Variants in FSAF1 observed in about 807,000 individuals in gnomAD.
FSAF1 encodes uncharacterized protein C1orf131.
At chr1:231,225,492 T>C in the FSAF1 span, 2 of 1,613,904 alleles carry the variant, frequency 1.2e-6, no homozygotes, top group Non-Finnish European at 1.7e-6. Context: ...TCCTTTCCTC[T>C]TCTTTTTCTT....
chr1:231,224,150 T>C, the FSAF1 span: 10 of 1,139,258 alleles, frequency 8.8e-6, no homozygotes, highest in African/African-American at 1.4e-4. Flanking sequence ...TCTGTTTGAC[T>C]TTTTTTCTAA....
chr1:231,239,204 C>T, the FSAF1 span: 1 of 1,523,348 alleles, frequency 6.6e-7, no homozygotes, highest in Non-Finnish European at 8.8e-7. Context: ...TGTTCAAACA[C>T]AAGAAGGAAA....
chr1:231,228,751 C>T, the FSAF1 span, among the ~76,000 whole-genome samples: 2 of 152,146 alleles, frequency 1.3e-5, no homozygotes, highest in Non-Finnish European at 2.9e-5. Flanking sequence ...CTCTGGGAGG[C>T]CGAGATGGGT....
chr1:231,240,990 T>C, the FSAF1 span: 1 of 1,581,056 alleles, frequency 6.3e-7, no homozygotes, highest in Admixed American at 1.7e-5. This position sits in a 1 kb window ranked among gnomAD's most constrained non-coding sequence, Gnocchi z 4.1. Context: ...CTCAAATCTG[T>C]TCTCCACGTG....
At chr1:231,239,426 T>G in the FSAF1 span, among the ~76,000 whole-genome samples, 1 of 152,224 alleles carries the variant, frequency 6.6e-6, no homozygotes, top group East Asian at 1.9e-4. Flanking sequence ...ACAATCACTT[T>G]AGTCTCCACT....
the FSAF1 span, chr1:231,224,416 T>C: frequency 6.2e-7 from 1 of 1,603,004 alleles, no homozygotes; most frequent in Non-Finnish European, 8.5e-7. Context: ...TTGGATTTCC[T>C]ACATTTAAAG....
the FSAF1 span, chr1:231,225,655 A>G: frequency 9.8e-6 from 8 of 815,620 alleles, no homozygotes; most frequent in East Asian, 1.0e-4. Context: ...CATATTAAAC[A>G]TAACAGTCTC....
the FSAF1 span, chr1:231,225,345 T>C: frequency 8.2e-6 from 7 of 853,408 alleles, no homozygotes; most frequent in South Asian, 1.6e-5. Flanking sequence ...TTGACAAGGA[T>C]AAATGAGAGA....
At chr1:231,235,432 G>A in the FSAF1 span, among the ~76,000 whole-genome samples, 2 of 152,000 alleles carry the variant, frequency 1.3e-5, no homozygotes, top group African/African-American at 2.4e-5. Flanking sequence ...GGGAGGCGGA[G>A]GTTGTAGTGA....
At chr1:231,239,560 G>A in the FSAF1 span, among the ~76,000 whole-genome samples, 1 of 152,218 alleles carries the variant, frequency 6.6e-6, no homozygotes, top group Non-Finnish European at 1.5e-5. Flanking sequence ...TGGGTTACAG[G>A]AACATGGAAT....
the FSAF1 span, chr1:231,226,680 T>C: frequency 9.6e-6 from 14 of 1,453,318 alleles, no homozygotes; most frequent in Non-Finnish European, 1.4e-5. Flanking sequence ...CATTCCACTG[T>C]GGCAAAGAGC....
the FSAF1 span, among the ~76,000 whole-genome samples, chr1:231,239,349 CA>C: frequency 1.3e-5 from 2 of 152,164 alleles, no homozygotes; most frequent in Non-Finnish European, 2.9e-5. Flanking sequence ...AGTGTATTTG[CA>C]AAATGCAGAG....
chr1:231,238,421 T>C, the FSAF1 span: 1 of 158,224 alleles, frequency 6.3e-6, no homozygotes, highest in East Asian at 1.8e-4. Flanking sequence ...AGAGTTGCTG[T>C]AAGAGTTAAC....
the FSAF1 span, chr1:231,229,206 C>T: frequency 5.7e-6 from 9 of 1,573,734 alleles, no homozygotes; most frequent in African/African-American, 1.2e-4. Context: ...CTAGGATTAG[C>T]CTGCTGAGAG....
the FSAF1 span, chr1:231,226,741 G>C: frequency 6.3e-7 from 1 of 1,598,210 alleles, no homozygotes. Flanking sequence ...ACACCTACCA[G>C]TCTCTTTTCT....
chr1:231,230,433 G>C, the FSAF1 span, among the ~76,000 whole-genome samples: 2 of 152,146 alleles, frequency 1.3e-5, no homozygotes, highest in Non-Finnish European at 2.9e-5. Flanking sequence ...GCAGAGATTT[G>C]GTTTATAATT....
the FSAF1 span, among the ~76,000 whole-genome samples, chr1:231,239,963 T>C: frequency 1.3e-5 from 2 of 152,218 alleles, no homozygotes; most frequent in Admixed American, 6.5e-5. Flanking sequence ...TTCCTCTAGA[T>C]TTTAAACTTC....
chr1:231,235,841 C>T, the FSAF1 span, among the ~76,000 whole-genome samples: 6 of 152,084 alleles, frequency 3.9e-5, no homozygotes, highest in African/African-American at 4.8e-5. Flanking sequence ...GGCCAAGTTC[C>T]GAGATGACCC....
chr1:231,230,977 GC>G, the FSAF1 span, among the ~76,000 whole-genome samples: 2 of 152,218 alleles, frequency 1.3e-5, no homozygotes, highest in Non-Finnish European at 2.9e-5. Context: ...ACGCTGACTG[GC>G]TCTCCGTGGG....
Sources: gnomAD v4.1 joint callset for allele counts (sites outside exome capture counted in the v4.1 genomes callset) on GRCh38, gnomAD v4.1.1 for gene constraint, Gnocchi (gnomAD v3.1) non-coding constraint, MANE v1.5 for transcripts, NCBI Gene and HGNC (gene_info 2026-07-23, HGNC 2026-07-21) for gene names.